Variants in COL19A1 observed in about 807,000 individuals in gnomAD.
COL19A1 encodes the protein collagen type XIX alpha 1 chain.
In COL19A1, 159 loss-of-function variants were observed where a neutral mutation model predicts 190.2. That is an observed-to-expected ratio of 0.84 (90% CI 0.73 to 0.95). The LOEUF (loss-of-function observed/expected upper bound fraction) is 0.95. Ranked by LOEUF, COL19A1 falls within the 40% of genes least tolerant of loss-of-function variation. The probability of loss-of-function intolerance (pLI) is 0.00; values close to 1 mark genes in which losing one functional copy is unlikely to be tolerated. For missense variants in COL19A1, 1,418 were observed against 1,431.9 expected (o/e 0.99, Z 0.16); for synonymous variants, 509 against 458.9 (o/e 1.11, Z -1.39).
intron 15 of COL19A1, chr6:70,098,254 C>T: frequency 7.4e-6 from 2 of 269,190 alleles, no homozygotes; most frequent in Admixed American, 4.0e-5. Context: ...TGCCTTTTTT[C>T]TTGGCCTAAT....
At chr6:69,959,184 G>A (rs944810959) in intron 9 of COL19A1, among the ~76,000 whole-genome samples, 2 of 152,104 alleles carry the variant, frequency 1.3e-5, no homozygotes, top group African/African-American at 4.8e-5. Context: ...CAGAATTCCA[G>A]CAATGGAAAC....
At chr6:69,896,839 G>A (rs1469713456) in intron 2 of COL19A1, among the ~76,000 whole-genome samples, 1 of 152,122 alleles carries the variant, frequency 6.6e-6, no homozygotes, top group African/African-American at 2.4e-5. Flanking sequence ...AGATTTTCAA[G>A]CTTTTTTTGT....
chr6:70,048,552 A>G (rs1780027201), intron 14 of COL19A1, among the ~76,000 whole-genome samples: 1 of 152,100 alleles, frequency 6.6e-6, no homozygotes, highest in African/African-American at 2.4e-5. Flanking sequence ...CATTTTTAAA[A>G]TGATCGTTTG....
At chr6:70,062,497 G>C (rs1174781586) in intron 14 of COL19A1, among the ~76,000 whole-genome samples, 1 of 152,064 alleles carries the variant, frequency 6.6e-6, no homozygotes, top group South Asian at 2.1e-4. Context: ...ACATGGAAAG[G>C]AACAACTGGT....
At chr6:69,872,826 A>G (rs1190233366) in intron 1 of COL19A1, among the ~76,000 whole-genome samples, 3 of 152,172 alleles carry the variant, frequency 2.0e-5, no homozygotes, top group Non-Finnish European at 4.4e-5. Context: ...CACACTCACC[A>G]TTGTGATTTT....
At chr6:69,875,167 A>C (rs1768063662) in intron 1 of COL19A1, among the ~76,000 whole-genome samples, 2 of 152,232 alleles carry the variant, frequency 1.3e-5, no homozygotes, top group African/African-American at 4.8e-5. Context: ...TGAAAACTGA[A>C]GGATGAACAC....
intron 42 of COL19A1, among the ~76,000 whole-genome samples, chr6:70,178,987 C>T (rs1583099625): frequency 6.6e-6 from 1 of 152,142 alleles, no homozygotes; most frequent in Admixed American, 6.5e-5. Context: ...CCATCAATGT[C>T]CCTTATCTCT....
chr6:70,091,366 T>C (rs1782915695), intron 15 of COL19A1, among the ~76,000 whole-genome samples: 1 of 152,192 alleles, frequency 6.6e-6, no homozygotes, highest in South Asian at 2.1e-4. Context: ...TTACTATTAT[T>C]GTCCCCACTG....
intron 1 of COL19A1, among the ~76,000 whole-genome samples, chr6:69,869,744 C>A (rs1767711636): frequency 6.6e-6 from 1 of 152,184 alleles, no homozygotes; most frequent in Non-Finnish European, 1.5e-5. Context: ...TTGATGGAAA[C>A]AAATCATAGT....
intron 12 of COL19A1, among the ~76,000 whole-genome samples, chr6:70,032,042 G>T (rs971667281): frequency 1.3e-5 from 2 of 152,136 alleles, no homozygotes; most frequent in African/African-American, 4.8e-5. Flanking sequence ...ACTACAACAA[G>T]GACAGGTGGG....
intron 9 of COL19A1, among the ~76,000 whole-genome samples, chr6:69,953,146 T>TAAAAAGA (rs1774217370): frequency 6.6e-6 from 1 of 152,014 alleles, no homozygotes; most frequent in African/African-American, 2.4e-5. Flanking sequence ...AAAAGACAAC[T>TAAAAAGA]TAGCTTTATT....
intron 4 of COL19A1, among the ~76,000 whole-genome samples, chr6:69,912,163 G>A (rs1481439025): frequency 6.6e-6 from 1 of 152,056 alleles, no homozygotes; most frequent in Non-Finnish European, 1.5e-5. Flanking sequence ...AGAAAGCTTA[G>A]TACACATGCT....
intron 4 of COL19A1, among the ~76,000 whole-genome samples, chr6:69,913,142 C>A (rs1466742292): frequency 6.6e-6 from 1 of 152,090 alleles, no homozygotes; most frequent in Non-Finnish European, 1.5e-5. Flanking sequence ...CTGTTATCCT[C>A]AAGTTTGCCT....
intron 4 of COL19A1, among the ~76,000 whole-genome samples, chr6:69,904,106 G>C (rs540072744): frequency 1.7e-4 from 26 of 152,288 alleles, no homozygotes; most frequent in African/African-American, 6.3e-4. Context: ...AGCAGCTAGA[G>C]AGCCAAAATC....
At chr6:69,921,887 G>A (rs892432182) in intron 4 of COL19A1, among the ~76,000 whole-genome samples, 3 of 151,828 alleles carry the variant, frequency 2.0e-5, no homozygotes, top group Non-Finnish European at 2.9e-5. Flanking sequence ...AAGGATCAGC[G>A]ATATTTTTCT....
intron 16 of COL19A1, among the ~76,000 whole-genome samples, chr6:70,112,939 G>A (rs557867293): frequency 9.3e-4 from 141 of 152,300 alleles, no homozygotes; most frequent in Non-Finnish European, 1.2e-3. Context: ...TGGAATACAC[G>A]GGGGAACGAG....
At position 70,137,723 on chromosome 6, in the gene COL19A1, C is replaced by G; in HGVS notation, c.1422C>G (p.Gly474=). ...TGLPGFPGSV[G]PKGQKGEPGE... ...TACCAGGATTTCCAGGGTCTGTTGGCCCTAAAGGACAAAAAGGAGAACCTG... is the reference window on the plus strand; with the variant it reads ...TACCAGGATTTCCAGGGTCTGTTGGGCCTAAAGGACAAAAAGGAGAACCTG... The change falls in exon 19 of 51, where the codon GGC becomes GGG. Residue 474 remains glycine (G), a synonymous_variant. Transcript: ENST00000620364. The G allele has an allele frequency of 6.2e-7, 1 of 1,613,152 alleles. No individual in the cohort carries two copies. Among genetic ancestry groups the G allele is most frequent in the Non-Finnish European group, 8.5e-7 (1 of 1,179,396 alleles).
intron 19 of COL19A1, among the ~76,000 whole-genome samples, chr6:70,139,005 C>T (rs181992718): frequency 6.6e-6 from 1 of 152,198 alleles, no homozygotes; most frequent in African/African-American, 2.4e-5. Context: ...TCCCTCCAAA[C>T]CTGAACACTG....
intron 2 of COL19A1, among the ~76,000 whole-genome samples, chr6:69,891,500 A>T (rs1769347460): frequency 6.6e-6 from 1 of 152,150 alleles, no homozygotes; most frequent in Admixed American, 6.5e-5. Flanking sequence ...ATCTAGAATG[A>T]GGGGAGCAGG....
Sources: gnomAD v4.1 joint callset for allele counts (sites outside exome capture counted in the v4.1 genomes callset) on GRCh38, gnomAD v4.1.1 for gene constraint, MANE v1.5 for transcripts, NCBI Gene and HGNC (gene_info 2026-07-23, HGNC 2026-07-21) for gene names.